PTGER3: variants seen among roughly 807,000 people sequenced by gnomAD.
PTGER3 encodes the protein prostaglandin E receptor 3, also known as prostaglandin E2 receptor EP3 subtype.
Under a neutral mutation model 34.7 loss-of-function variants are expected in PTGER3, and 22 were observed. The ratio of observed to expected loss-of-function variants is 0.63; its 90% CI spans 0.45 to 0.91. The LOEUF (loss-of-function observed/expected upper bound fraction) is 0.91. Ranked by LOEUF, PTGER3 falls within the 40% of genes least tolerant of loss-of-function variation. The probability of loss-of-function intolerance (pLI) is 0.00; values close to 1 mark genes in which losing one functional copy is unlikely to be tolerated. For missense variants in PTGER3, 468 were observed against 519.4 expected, an observed-to-expected ratio of 0.90 and a Z score of 0.96; for synonymous variants, 241 against 230.1, an observed-to-expected ratio of 1.05 and a Z score of -0.43.
intron 1 of PTGER3, among the ~76,000 whole-genome samples, chr1:71,028,741 A>G (rs1402315563): frequency 6.6e-6 from 1 of 152,124 alleles, no homozygotes; most frequent in African/African-American, 2.4e-5. Context: ...TCTCTCTTCC[A>G]TTATAAAAAC....
chr1:71,001,700 A>G (rs1656504731), intron 2 of PTGER3, among the ~76,000 whole-genome samples: 1 of 152,210 alleles, frequency 6.6e-6, no homozygotes, highest in South Asian at 2.1e-4. Context: ...GATACCACAT[A>G]GAAATATCAT....
At chr1:70,858,995 A>AC (rs1457182103) in intron 4 of PTGER3, among the ~76,000 whole-genome samples, 1 of 152,246 alleles carries the variant, frequency 6.6e-6, no homozygotes, top group Non-Finnish European at 1.5e-5. Flanking sequence ...TATCAGACAC[A>AC]CAGAGTTCAA....
intron 2 of PTGER3, chr1:70,998,369 A>ATTTT (rs1656168604): frequency 6.6e-6 from 1 of 152,240 alleles, no homozygotes; most frequent in Non-Finnish European, 1.5e-5. Context: ...TGGGAAAGCT[A>ATTTT]TTTAAGTCCT....
chr1:70,852,585 G>C (rs944386446), exon 5 of PTGER3: 17 of 539,978 alleles, frequency 3.1e-5, no homozygotes, highest in Non-Finnish European at 4.2e-5. Context: ...ATATGATAAT[G>C]TATACGCAAA....
chr1:71,008,876 T>C (rs1572918281), intron 2 of PTGER3: 1 of 963,850 alleles, frequency 1.0e-6, no homozygotes, highest in Non-Finnish European at 1.2e-6. Flanking sequence ...TAATAAATAC[T>C]CTGTAGTCTC....
chr1:70,990,417 C>A (rs1226381108), intron 2 of PTGER3, among the ~76,000 whole-genome samples: 2 of 144,102 alleles, frequency 1.4e-5, no homozygotes, highest in Admixed American at 7.0e-5. Flanking sequence ...CATATTATAT[C>A]TATTATACAT....
At chr1:70,974,194 T>C (rs144560676) in intron 3 of PTGER3, 103 bp downstream of exon 3, 4 of 1,459,710 alleles carry the variant, frequency 2.7e-6, no homozygotes, top group Non-Finnish European at 3.7e-6. Context: ...TTAATTTGCA[T>C]TTTAATTCTC....
At chr1:70,973,286 A>T (rs1365964160) in intron 3 of PTGER3, among the ~76,000 whole-genome samples, 1 of 152,050 alleles carries the variant, frequency 6.6e-6, no homozygotes, top group African/African-American at 2.4e-5. Context: ...ACGTAGACAG[A>T]TAGATGTGGG....
At chr1:71,024,164 C>T (rs562178096) in intron 1 of PTGER3, among the ~76,000 whole-genome samples, 1 of 152,222 alleles carries the variant, frequency 6.6e-6, no homozygotes, top group African/African-American at 2.4e-5. Context: ...TTCCAATTAT[C>T]TTGAACTTCT....
chr1:71,006,871 C>A, intron 2 of PTGER3: 1 of 985,302 alleles, frequency 1.0e-6, no homozygotes, highest in Middle Eastern at 5.2e-4. Flanking sequence ...TCAGAATATT[C>A]AACTTTATTT....
At chr1:70,861,591 GTCAA>G (rs1255611101) in intron 4 of PTGER3, among the ~76,000 whole-genome samples, 1 of 151,896 alleles carries the variant, frequency 6.6e-6, no homozygotes, top group Non-Finnish European at 1.5e-5. Context: ...ATCATTGTGT[GTCAA>G]TCAAACATAA....
chr1:71,011,038 G>A (rs1657395819), intron 2 of PTGER3: 1 of 985,612 alleles, frequency 1.0e-6, no homozygotes, highest in South Asian at 4.7e-5. Flanking sequence ...AAAGAATATG[G>A]CAAGCTTTGT....
chr1:71,007,537 G>A, intron 2 of PTGER3: 2 of 985,278 alleles, frequency 2.0e-6, no homozygotes, highest in South Asian at 9.4e-5. Context: ...TCCAGGGCCT[G>A]GCACAAAATG....
At chr1:71,022,371 A>G (rs575095906) in intron 1 of PTGER3, among the ~76,000 whole-genome samples, 1 of 152,072 alleles carries the variant, frequency 6.6e-6, no homozygotes, top group South Asian at 2.1e-4. Context: ...GGCTTACTAA[A>G]TTTAGTGATA....
At chr1:71,010,298 T>TA in intron 2 of PTGER3, 3 of 984,048 alleles carry the variant, frequency 3.0e-6, no homozygotes, top group Non-Finnish European at 3.6e-6. Context: ...CATATTTCTG[T>TA]AATTAAATAA....
intron 4 of PTGER3, among the ~76,000 whole-genome samples, chr1:70,918,129 A>G (rs1037220526): frequency 6.6e-6 from 1 of 152,036 alleles, no homozygotes; most frequent in Admixed American, 6.6e-5. Flanking sequence ...GGTACCAACA[A>G]CACAAGACAT....
chr1:70,952,793 C>T (rs535417431), exon 4 of PTGER3: 118 of 1,364,234 alleles, frequency 8.6e-5, no homozygotes, highest in Non-Finnish European at 1.1e-4. Context: ...CCCACCTTTC[C>T]GAGTCAATCA....
rs57513190 is a variant in PTGER3 at position 70,981,320 on chromosome 1, CTTCTTTCT to C, written c.1078-6940_1078-6933del. Among the ~76,000 whole-genome samples, 420 of 71,098 alleles carry C rather than the reference CTTCTTTCT, an allele frequency of 5.9e-3. 5 individuals are homozygous for C. Among genetic ancestry groups the C allele is most frequent in the African/African-American group, 0.015 (267 of 17,516 alleles). 46.6% of individuals were successfully genotyped at this position (71,098 alleles called of 152,430 possible). A position where few individuals can be genotyped will look rare whatever the true frequency, so the allele number is the denominator to read the frequency against. On this transcript the variant is annotated intron_variant, in intron 2 of 3. Coordinates refer to ENST00000306666, the MANE Select transcript of PTGER3 (RefSeq NM_198719.2). ...CCTTCCTTCCTTCCTTCCTTCCTTT[CTTCTTTCT>C]TTCTTTCTTTCTTTCTTTCTTTCTT...
At chr1:71,013,510 C>T (rs1657629333) in intron 1 of PTGER3, among the ~76,000 whole-genome samples, 1 of 152,044 alleles carries the variant, frequency 6.6e-6, no homozygotes, top group Admixed American at 6.6e-5. Flanking sequence ...CGAGACCAGC[C>T]TGACCAACAT....
Sources: gnomAD v4.1 joint callset for allele counts (sites outside exome capture counted in the v4.1 genomes callset) on GRCh38, gnomAD v4.1.1 for gene constraint, MANE v1.5 for transcripts, NCBI Gene and HGNC (gene_info 2026-07-23, HGNC 2026-07-21) for gene names.